The following IKBKB-DT variants were observed in gnomAD, a reference collection of about 807,000 sequenced individuals.
IKBKB-DT encodes the protein IKBKB antisense RNA.
chr8:42,262,647 G>A (rs1198448365), intron 3 of IKBKB-DT, among the ~76,000 whole-genome samples: 1 of 151,968 alleles, frequency 6.6e-6, no homozygotes, highest in East Asian at 1.9e-4. Flanking sequence ...CACCGTGTTA[G>A]CCAGGATGGT....
chr8:42,267,037 G>T (rs1426483308), intron 1 of IKBKB-DT, among the ~76,000 whole-genome samples: 2 of 129,462 alleles, frequency 1.5e-5, no homozygotes, highest in African/African-American at 5.9e-5. Context: ...GTCTCGCTCT[G>T]TCGCCCAGGT....
rs558322768 is a variant in IKBKB-DT at position 42,250,246 on chromosome 8, C to T, written n.1529+13083G>A. On this transcript the variant is annotated intron_variant and non_coding_transcript_variant, in intron 3 of 3. Transcript: ENST00000518213. Reference sequence around the variant, plus strand: ...GGGTGTGGGAAATAGTCCTCCTGGGCACTGAGTCACTTCTGGGTGGGGCCA... The same window carrying T: ...GGGTGTGGGAAATAGTCCTCCTGGGTACTGAGTCACTTCTGGGTGGGGCCA... 8.9e-4 allele frequency among the ~76,000 whole-genome samples: 135 copies of T among 152,010 alleles called. 4 individuals are homozygous for T. The South Asian group carries it at 0.028, about 31-fold the overall frequency.
At chr8:42,254,768 C>T (rs72474209) in intron 3 of IKBKB-DT, among the ~76,000 whole-genome samples, 61 of 146,414 alleles carry the variant, frequency 4.2e-4, no homozygotes, top group African/African-American at 1.2e-3. Context: ...TCTGCCCAGC[C>T]GCCCAACTGT....
chr8:42,245,179 C>G lies in IKBKB-DT; in HGVS notation n.1530-11320G>C, dbSNP rs551526326. 1.6e-4 allele frequency among the ~76,000 whole-genome samples: 24 copies of G among 152,246 alleles called. 1 individual carries two copies. The South Asian group carries it at 5.0e-3, about 32-fold the overall frequency. The stretch of plus-strand genomic sequence containing the variant: ...CTGAGGCAGGGGAATCGCTTGAACC[C>G]AGGAGGTGGAGGTTGCAGTTAGCTG... On this transcript the variant is annotated intron_variant and non_coding_transcript_variant, in intron 3 of 3. Coordinates refer to ENST00000518213, the Ensembl canonical transcript of IKBKB-DT.
intron 3 of IKBKB-DT, among the ~76,000 whole-genome samples, chr8:42,262,588 C>A (rs556978881): frequency 6.6e-6 from 1 of 151,856 alleles, no homozygotes; most frequent in Non-Finnish European, 1.5e-5. Context: ...TACAGGCACC[C>A]GCCACCACAC....
chr8:42,270,842 C>T (rs77503524), exon 1 of IKBKB-DT: 3,504 of 154,118 alleles, frequency 0.023, 144 homozygotes, highest in African/African-American at 0.081. Context: ...GGGGCAGGGG[C>T]TGTCACCTCT....
intron 3 of IKBKB-DT, among the ~76,000 whole-genome samples, chr8:42,258,658 C>T (rs140440176): frequency 0.015 from 2,347 of 151,982 alleles, 47 homozygotes; most frequent in African/African-American, 0.054. Flanking sequence ...TTAATAGAGA[C>T]AGGGTTTCAC....
chr8:42,264,242 G>A (rs966349068), intron 2 of IKBKB-DT, among the ~76,000 whole-genome samples: 1 of 151,186 alleles, frequency 6.6e-6, no homozygotes, highest in Non-Finnish European at 1.5e-5. Context: ...TGCTGGTCTC[G>A]AACTCCTGAT....
intron 3 of IKBKB-DT, among the ~76,000 whole-genome samples, chr8:42,258,179 A>C (rs2129926325): frequency 6.6e-6 from 1 of 152,206 alleles, no homozygotes; most frequent in East Asian, 1.9e-4. Context: ...AGAAGATGAA[A>C]CTCTAGTTTT....
At chr8:42,251,101 G>A (rs1807124035) in intron 3 of IKBKB-DT, among the ~76,000 whole-genome samples, 2 of 152,060 alleles carry the variant, frequency 1.3e-5, no homozygotes, top group African/African-American at 4.8e-5. Flanking sequence ...CACCTCTACT[G>A]CTAGAAATAC....
intron 3 of IKBKB-DT, among the ~76,000 whole-genome samples, chr8:42,256,033 A>G (rs941813668): frequency 5.3e-5 from 8 of 151,982 alleles, no homozygotes; most frequent in South Asian, 4.1e-4. Context: ...TCTCAAAAAA[A>G]AAAAAGAAAA....
intron 1 of IKBKB-DT, among the ~76,000 whole-genome samples, chr8:42,267,040 G>A (rs1466049437): frequency 5.0e-5 from 7 of 139,730 alleles, no homozygotes; most frequent in South Asian, 2.2e-4. Flanking sequence ...TCGCTCTGTC[G>A]CCCAGGTTGG....
intron 1 of IKBKB-DT, among the ~76,000 whole-genome samples, chr8:42,268,325 T>C (rs987410353): frequency 2.0e-5 from 3 of 150,824 alleles, no homozygotes; most frequent in Non-Finnish European, 4.4e-5. Flanking sequence ...TTAGTAGAGA[T>C]GGCGTTTCAC....
chr8:42,245,773 A>G (rs1807055806), intron 3 of IKBKB-DT, among the ~76,000 whole-genome samples: 1 of 152,220 alleles, frequency 6.6e-6, no homozygotes, highest in Non-Finnish European at 1.5e-5. Context: ...GTTGGGCAAG[A>G]ACTATTACAA....
At chr8:42,265,275 G>A (rs184575077) in intron 2 of IKBKB-DT, among the ~76,000 whole-genome samples, 1 of 152,318 alleles carries the variant, frequency 6.6e-6, no homozygotes. Flanking sequence ...GGGACTACAG[G>A]TGCACACCAC....
At chr8:42,268,405 C>G (rs182877809) in intron 1 of IKBKB-DT, among the ~76,000 whole-genome samples, 2,297 of 151,162 alleles carry the variant, frequency 0.015, 43 homozygotes, top group Middle Eastern at 0.041. Context: ...AAAGTGCTGG[C>G]ATTACAGGTG....
chr8:42,266,662 G>A (rs2129937224), intron 1 of IKBKB-DT, among the ~76,000 whole-genome samples: 1 of 152,264 alleles, frequency 6.6e-6, no homozygotes, highest in African/African-American at 2.4e-5. Flanking sequence ...AACGAGACAG[G>A]AGGTCTGCAC....
chr8:42,249,417 A>ATGTGTGTGTGTGTGTG (rs35004589), intron 3 of IKBKB-DT: 150 of 129,750 alleles, frequency 1.2e-3, no homozygotes, highest in African/African-American at 5.3e-3. Flanking sequence ...ATGTATATAT[A>ATGTGTGTGTGTGTGTG]TGTGTGTGTG....
Position 42,260,421 on chromosome 8 carries a change from T to A in IKBKB-DT, n.1529+2908A>T, listed in dbSNP as rs138254205. Among the ~76,000 whole-genome samples the A allele has an allele frequency of 5.7e-3, 861 of 152,060 alleles. 4 individuals are homozygous for A. Among genetic ancestry groups the A allele is most frequent in the African/African-American group, 0.019 (786 of 41,484 alleles). ...TGGCTCATGCCTATAATCCCAGCAC[T>A]TTGGGAGGCTGAGGCGGGCAGATCA... On this transcript the variant is annotated intron_variant and non_coding_transcript_variant, in intron 3 of 3. Coordinates refer to ENST00000518213, the Ensembl canonical transcript of IKBKB-DT.
Sources: gnomAD v4.1 joint callset for allele counts (sites outside exome capture counted in the v4.1 genomes callset) on GRCh38, gnomAD v4.1.1 for gene constraint, MANE v1.5 for transcripts, NCBI Gene and HGNC (gene_info 2026-07-23, HGNC 2026-07-21) for gene names.